ZNF169: variants seen among roughly 807,000 people sequenced by gnomAD.
The protein encoded by ZNF169 is zinc finger protein 169.
Under a neutral mutation model 12.0 loss-of-function variants are expected in ZNF169, and 11 were observed. The ratio of observed to expected loss-of-function variants is 0.92; its 90% CI spans 0.58 to 1.52. ZNF169 has a LOEUF of 1.52. Among genes scored for constraint, ZNF169 ranks in the 40% most tolerant of loss-of-function variants. The pLI, the probability that ZNF169 is intolerant of heterozygous loss-of-function variation, is 0.00. For missense variants in ZNF169, 722 were observed against 744.0 expected (o/e 0.97, Z 0.34); for synonymous variants, 302 against 286.5 (o/e 1.05, Z -0.55).
chr9:94,267,525 C>T (rs1477395954), intron 1 of ZNF169, among the ~76,000 whole-genome samples: 1 of 152,172 alleles, frequency 6.6e-6, no homozygotes, highest in African/African-American at 2.4e-5. Flanking sequence ...TCTAGAGGAA[C>T]CAGGTAGAGA....
intron 4 of ZNF169, among the ~76,000 whole-genome samples, chr9:94,297,006 TA>T (rs1244265188): frequency 6.6e-6 from 1 of 152,002 alleles, no homozygotes; most frequent in Non-Finnish European, 1.5e-5. Flanking sequence ...GAGATCACAC[TA>T]TTGCACTCCA....
At chr9:94,296,978 C>T (rs189476161) in intron 4 of ZNF169, 30 of 334,246 alleles carry the variant, frequency 9.0e-5, no homozygotes, top group African/African-American at 4.0e-4. Context: ...ACTCGGGAGG[C>T]GGAGGTTGCA....
chr9:94,300,104 A>G lies in ZNF169; in HGVS notation c.546A>G (p.Gly182=). The G allele has an allele frequency of 6.2e-7, 1 of 1,614,214 alleles. No homozygotes were observed. Among genetic ancestry groups the G allele is most frequent in the African/African-American group, 1.3e-5 (1 of 75,068 alleles). ...AATGGGTAGAAGGGAACAGAGAAGG[A>G]GGAACAGACCTTCGCCTGGCCCAAA... ...PVEWVEGNRE[G]GTDLRLAQRM... is the part of the protein sequence containing the mutation. Residue 182 remains glycine (G), a synonymous_variant, in exon 5 of 5, where the codon GGA becomes GGG. Coordinates refer to ENST00000395395, the MANE Select transcript of ZNF169 (RefSeq NM_194320.4).
intron 1 of ZNF169, among the ~76,000 whole-genome samples, chr9:94,268,577 C>G (rs10993130): frequency 0.19 from 29,499 of 151,698 alleles, 3,184 homozygotes; most frequent in East Asian, 0.38. Flanking sequence ...ATCATGAGGT[C>G]AGGAGTTCGA....
chr9:94,281,888 C>G (rs1830646539), intron 2 of ZNF169, among the ~76,000 whole-genome samples: 1 of 152,140 alleles, frequency 6.6e-6, no homozygotes. Flanking sequence ...AAGAAGCTCT[C>G]AGATAGCAGA....
At chr9:94,273,822 G>A (rs557765778) in intron 1 of ZNF169, among the ~76,000 whole-genome samples, 6 of 152,148 alleles carry the variant, frequency 3.9e-5, no homozygotes, top group South Asian at 2.1e-4. Flanking sequence ...CTTGTGATCC[G>A]CCCAGCTTGG....
At chr9:94,288,424 C>T in intron 2 of ZNF169, 1 of 1,240,158 alleles carries the variant, frequency 8.1e-7, no homozygotes, top group Non-Finnish European at 1.2e-6. Flanking sequence ...TGAGCCTGAG[C>T]TTGTAAATTC....
At chr9:94,262,784 A>G (rs926362166) in intron 1 of ZNF169, among the ~76,000 whole-genome samples, 1 of 152,084 alleles carries the variant, frequency 6.6e-6, no homozygotes, top group African/African-American at 2.4e-5. Context: ...TTCTGACTAC[A>G]CTCATTACCC....
At chr9:94,264,343 G>A (rs1270120611) in intron 1 of ZNF169, among the ~76,000 whole-genome samples, 1 of 152,070 alleles carries the variant, frequency 6.6e-6, no homozygotes, top group Non-Finnish European at 1.5e-5. Context: ...ACCATGACCA[G>A]GTTTGTCTTG....
chr9:94,261,759 G>C (rs1435677041), intron 1 of ZNF169, among the ~76,000 whole-genome samples: 1 of 152,184 alleles, frequency 6.6e-6, no homozygotes, highest in Non-Finnish European at 1.5e-5. Flanking sequence ...AGTAAAACTT[G>C]TGTATGACAC....
chr9:94,268,050 A>T (rs1357191075), intron 1 of ZNF169, among the ~76,000 whole-genome samples: 4 of 143,772 alleles, frequency 2.8e-5, no homozygotes, highest in Non-Finnish European at 6.2e-5. Flanking sequence ...TGTTTTTTTT[A>T]GTAGAGATGG....
intron 4 of ZNF169, 189 bp downstream of exon 4, chr9:94,293,258 C>T (rs1830885923): frequency 3.3e-6 from 2 of 612,044 alleles, no homozygotes; most frequent in African/African-American, 3.7e-5. Context: ...GCACCCCTGG[C>T]ATTCCATCTC....
At chr9:94,270,687 A>T (rs1482770904) in intron 1 of ZNF169, among the ~76,000 whole-genome samples, 2 of 44,340 alleles carry the variant, frequency 4.5e-5, no homozygotes, top group Non-Finnish European at 1.2e-4. Flanking sequence ...AATATATATA[A>T]ATATATAATT....
intron 2 of ZNF169, chr9:94,287,870 G>C (rs150561610): frequency 9.9e-7 from 1 of 1,005,312 alleles, no homozygotes. Flanking sequence ...CGTCAGGGTC[G>C]ATCTGATACT....
At chr9:94,295,470 C>G (rs529458496) in intron 4 of ZNF169, 1 of 152,260 alleles carries the variant, frequency 6.6e-6, no homozygotes, top group South Asian at 2.1e-4. Flanking sequence ...TGTATACATG[C>G]ATGAAAGCAC....
chr9:94,271,718 CAAAAA>C (rs58733917), intron 1 of ZNF169, among the ~76,000 whole-genome samples: 2 of 64,824 alleles, frequency 3.1e-5, no homozygotes, highest in Non-Finnish European at 6.3e-5. Context: ...GACTCTGTCT[CAAAAA>C]AAAAAAAAAA....
In ZNF169 at chr9:94,301,536, G is replaced by A; in HGVS notation, c.*166G>A. 1 of 1,306,606 alleles carries A rather than the reference G, an allele frequency of 7.7e-7. No individual in the cohort carries two copies. 80.9% of individuals were successfully genotyped at this position (1,306,606 alleles called of 1,614,324 possible). A position where few individuals can be genotyped will look rare whatever the true frequency, so the allele number is the denominator to read the frequency against. On this transcript the variant is annotated 3_prime_UTR_variant, in exon 5 of 5. Coordinates refer to ENST00000395395, the MANE Select transcript of ZNF169 (RefSeq NM_194320.4). The stretch of plus-strand genomic sequence containing the variant: ...CACAATTTGTCTTGGCTTGCTAGGG[G>A]TTCCATAACAAAGTACCCCAGGCTG...
intron 4 of ZNF169, chr9:94,293,346 C>A: frequency 1.7e-6 from 1 of 592,888 alleles, no homozygotes; most frequent in Non-Finnish European, 3.0e-6. Context: ...TTCTTGGGCT[C>A]ATGTGGTTGG....
In ZNF169 at chr9:94,300,500, G is replaced by A. The variant is rs1301777581; in HGVS notation, c.942G>A (p.Gly314=). The change falls in exon 5 of 5, where the codon GGG becomes GGA. Residue 314 remains glycine, a synonymous_variant. Coordinates refer to ENST00000395395, the MANE Select transcript of ZNF169 (RefSeq NM_194320.4). ...SLTNHKRIHS[G]ERPFVCQECG... ...CTAATCACAAGAGGATTCACTCCGG[G>A]GAGAGGCCCTTTGTATGTCAGGAGT... is the stretch of plus-strand genomic sequence containing the variant. 1.2e-6 allele frequency: 2 copies of A among 1,614,214 alleles called. No homozygotes were observed. The highest frequency in any genetic ancestry group is 1.7e-6 in the Non-Finnish European group (2 of 1,180,044).
Sources: gnomAD v4.1 joint callset for allele counts (sites outside exome capture counted in the v4.1 genomes callset) on GRCh38, gnomAD v4.1.1 for gene constraint, MANE v1.5 for transcripts, NCBI Gene and HGNC (gene_info 2026-07-23, HGNC 2026-07-21) for gene names.